The following VAMP7 variants were observed in gnomAD, a reference collection of about 807,000 sequenced individuals.
The protein encoded by VAMP7 is vesicle-associated membrane protein 7.
A neutral mutation model predicts 29.6 loss-of-function variants in VAMP7; 14 were observed. That is an observed-to-expected ratio of 0.47 (90% CI 0.31 to 0.74). VAMP7 has a LOEUF of 0.74. Ranked by LOEUF, VAMP7 falls within the 30% of genes least tolerant of loss-of-function variation. The pLI, the probability that VAMP7 is intolerant of heterozygous loss-of-function variation, is 0.05. For missense variants in VAMP7, 223 were observed against 262.4 expected (o/e 0.85, Z 1.04); for synonymous variants, 95 against 88.1 (o/e 1.08, Z -0.44).
At chrX:155,888,250 T>C (rs1356483212) in intron 1 of VAMP7, among the ~76,000 whole-genome samples, 1 of 152,136 alleles carries the variant, frequency 6.6e-6, no homozygotes, top group Non-Finnish European at 1.5e-5. Context: ...TCTCAAACAG[T>C]TTATAGTTTG....
intron 6 of VAMP7, among the ~76,000 whole-genome samples, chrX:155,931,162 G>A (rs1318535534): frequency 4.6e-5 from 7 of 151,994 alleles, no homozygotes; most frequent in African/African-American, 9.7e-5. Context: ...ATAGTGCCAC[G>A]ATAAACATAC....
chrX:155,907,292 T>A (rs921735240), intron 5 of VAMP7, among the ~76,000 whole-genome samples: 4 of 152,012 alleles, frequency 2.6e-5, no homozygotes, highest in Non-Finnish European at 5.9e-5. Flanking sequence ...TATTTTTTTT[T>A]ATTGATCATT....
chrX:155,913,646 T>G (rs1252845811), intron 5 of VAMP7, among the ~76,000 whole-genome samples: 12 of 152,232 alleles, frequency 7.9e-5, no homozygotes, highest in Non-Finnish European at 5.9e-5. Flanking sequence ...TCCCCATTGC[T>G]TGTTTTTGTC....
intron 5 of VAMP7, among the ~76,000 whole-genome samples, chrX:155,910,872 C>T (rs1022037520): frequency 5.3e-5 from 8 of 152,210 alleles, no homozygotes; most frequent in African/African-American, 1.9e-4. Context: ...CAACTATTTT[C>T]TCCCATTCAA....
At chrX:155,898,389 T>A in intron 4 of VAMP7, 140 bp downstream of exon 4, 4 of 1,157,456 alleles carry the variant, frequency 3.5e-6, no homozygotes, top group Non-Finnish European at 4.7e-6. Flanking sequence ...ACTTCCCTGA[T>A]TAAAAAAAAA....
chrX:155,900,409 C>T lies in VAMP7; in HGVS notation c.343-88C>T. 3.1e-6 allele frequency: 3 copies of T among 971,948 alleles called. No individual in the cohort carries two copies. In the South Asian group the frequency reaches 5.0e-5, roughly 16 times the overall value. The allele number at this position is 971,948 out of a possible 1,614,324, so 60.2% of individuals were successfully genotyped here. On this transcript the variant is annotated intron_variant, in intron 4 of 7. Coordinates refer to ENST00000286448, the MANE Select transcript of VAMP7 (RefSeq NM_005638.6). ...ATAGAGACATAATTTTATAGCATTCCTCAGTGTAAATTGTCATTCCCCTTA... is the reference window on the plus strand; with the variant it reads ...ATAGAGACATAATTTTATAGCATTCTTCAGTGTAAATTGTCATTCCCCTTA...
At chrX:155,904,136 A>G (rs1466786791) in intron 5 of VAMP7, among the ~76,000 whole-genome samples, 1 of 147,138 alleles carries the variant, frequency 6.8e-6, no homozygotes, top group African/African-American at 2.5e-5. Flanking sequence ...GTTCTCACTC[A>G]TAGGTGAGAA....
chrX:155,926,069 A>G (rs2066462650), intron 6 of VAMP7, among the ~76,000 whole-genome samples: 1 of 152,152 alleles, frequency 6.6e-6, no homozygotes, highest in Admixed American at 6.5e-5. Context: ...TTGTTGTTCC[A>G]TTTCAAGAGC....
At chrX:155,884,508 T>C (rs908051495) in intron 1 of VAMP7, among the ~76,000 whole-genome samples, 5 of 152,212 alleles carry the variant, frequency 3.3e-5, no homozygotes, top group African/African-American at 1.2e-4. Flanking sequence ...TTATAACTGA[T>C]TAAAAACAAC....
chrX:155,927,929 GT>G (rs1321409964), intron 6 of VAMP7, among the ~76,000 whole-genome samples: 1 of 151,374 alleles, frequency 6.6e-6, no homozygotes, highest in Non-Finnish European at 1.5e-5. Context: ...TGTTTGTTTT[GT>G]TTTTTTAAGA....
At chrX:155,904,410 T>G (rs1437819613) in intron 5 of VAMP7, among the ~76,000 whole-genome samples, 1 of 152,036 alleles carries the variant, frequency 6.6e-6, no homozygotes, top group Admixed American at 6.6e-5. Flanking sequence ...ACATTCCTAG[T>G]TAATTCCCTT....
At chrX:155,895,997 T>TA (rs2065982515) in intron 3 of VAMP7, among the ~76,000 whole-genome samples, 1 of 152,176 alleles carries the variant, frequency 6.6e-6, no homozygotes, top group African/African-American at 2.4e-5. Flanking sequence ...TGGAACAGTT[T>TA]AATCCCGAAA....
chrX:155,906,566 AT>A (rs376394466), intron 5 of VAMP7, among the ~76,000 whole-genome samples: 15 of 152,026 alleles, frequency 9.9e-5, no homozygotes, highest in African/African-American at 3.1e-4. Flanking sequence ...GTTCCTAAGT[AT>A]TTTTTTATGC....
chrX:155,909,426 A>T (rs750898233), intron 5 of VAMP7, among the ~76,000 whole-genome samples: 331 of 152,028 alleles, frequency 2.2e-3, no homozygotes, highest in African/African-American at 7.7e-3. Flanking sequence ...TAAAGAACCA[A>T]CTTCTGGTTT....
At chrX:155,918,525 G>T (rs1010241365) in intron 5 of VAMP7, among the ~76,000 whole-genome samples, 1 of 151,716 alleles carries the variant, frequency 6.6e-6, no homozygotes, top group Non-Finnish European at 1.5e-5. Flanking sequence ...CATTCCTCAC[G>T]GCACGGTCCC....
chrX:155,889,883 A>T (rs1211590590), intron 2 of VAMP7, among the ~76,000 whole-genome samples: 2 of 82 alleles, frequency 0.024, no homozygotes, highest in African/African-American at 0.062. Context: ...GCTGTGTGAT[A>T]TGTGAAAATA....
intron 6 of VAMP7, 28 bp from the exon 7 acceptor site, chrX:155,939,673 G>T: frequency 1.3e-6 from 2 of 1,533,152 alleles, no homozygotes; most frequent in Non-Finnish European, 1.8e-6. Context: ...CAGTGCCAGG[G>T]GTTAAACAAT....
intron 5 of VAMP7, among the ~76,000 whole-genome samples, chrX:155,901,856 C>T (rs2066067214): frequency 6.6e-6 from 1 of 152,100 alleles, no homozygotes; most frequent in South Asian, 2.1e-4. Flanking sequence ...GTGATGCGGG[C>T]TCTTTTTTGG....
At chrX:155,938,716 T>C (rs1390997008) in intron 6 of VAMP7, among the ~76,000 whole-genome samples, 2 of 152,112 alleles carry the variant, frequency 1.3e-5, no homozygotes, top group Admixed American at 6.6e-5. Context: ...CTCAGGAGGC[T>C]GAGGTGGGAG....
Sources: allele counts gnomAD v4.1 joint callset (sites outside exome capture counted in the v4.1 genomes callset), GRCh38; gene constraint gnomAD v4.1.1; transcripts MANE v1.5; gene names NCBI Gene and HGNC (gene_info 2026-07-23, HGNC 2026-07-21).